ARSB: variants seen among roughly 807,000 people sequenced by gnomAD.
The protein encoded by ARSB is N-acetylgalactosamine-4-sulfatase.
In ARSB, 41 loss-of-function variants were observed where a neutral mutation model predicts 50.9. The ratio of observed to expected loss-of-function variants is 0.81; its 90% CI spans 0.63 to 1.04. The LOEUF (loss-of-function observed/expected upper bound fraction) is 1.04. ARSB is among the 50% of genes least tolerant of loss of function. The pLI is 0.00. For missense variants in ARSB, 672 were observed against 693.3 expected (o/e 0.97, Z 0.35); for synonymous variants, 269 against 284.8 (o/e 0.94, Z 0.56).
Position 78,958,732 on chromosome 5 carries a change from C to A in ARSB, c.691-3230G>T, listed in dbSNP as rs565742518. ...CTTATTGTTCTTCTTCTGTAAATAACTAGGAAAGACCAGAGACCAGGACTC... is the reference window on the plus strand; with the variant it reads ...CTTATTGTTCTTCTTCTGTAAATAAATAGGAAAGACCAGAGACCAGGACTC... On this transcript the variant is annotated intron_variant, in intron 3 of 7. Transcript: ENST00000264914. Among the ~76,000 whole-genome samples the A allele has an allele frequency of 2.6e-5, 4 of 152,260 alleles. No homozygotes were observed. In the East Asian group the frequency reaches 7.7e-4, roughly 29 times the overall value.
intron 1 of ARSB, among the ~76,000 whole-genome samples, chr5:78,983,006 G>C (rs927965174): frequency 1.3e-5 from 2 of 152,156 alleles, no homozygotes; most frequent in Non-Finnish European, 2.9e-5. Context: ...GGTGACTGGT[G>C]GGGGAGGATG....
At chr5:78,934,177 C>A (rs1232682030) in intron 4 of ARSB, among the ~76,000 whole-genome samples, 1 of 152,176 alleles carries the variant, frequency 6.6e-6, no homozygotes, top group Non-Finnish European at 1.5e-5. Flanking sequence ...CCATTTCTGG[C>A]ATCCTGGAAC....
chr5:78,883,744 G>A (rs1194006504), intron 5 of ARSB: 2 of 152,150 alleles, frequency 1.3e-5, no homozygotes, highest in African/African-American at 4.8e-5. Context: ...TAGACTCCAC[G>A]TTGTGAGAGG....
intron 5 of ARSB, among the ~76,000 whole-genome samples, chr5:78,855,308 C>T (rs146954899): frequency 1.1e-3 from 173 of 152,334 alleles, no homozygotes; most frequent in African/African-American, 4.0e-3. Context: ...CAGCGTGCTG[C>T]TTTGACTTAG....
Position 78,979,937 on chromosome 5 carries a change from T to G in ARSB, c.312+5000A>C, listed in dbSNP as rs147443702. 4.1e-3 allele frequency among the ~76,000 whole-genome samples: 632 copies of G among 152,338 alleles called. 13 individuals are homozygous for G. Among genetic ancestry groups the G allele is most frequent in the Admixed American group, 0.024 (367 of 15,294 alleles). On this transcript the variant is annotated intron_variant, in intron 1 of 7. Transcript: ENST00000264914. ...ATGAATGTATGAACAAAATGTGGCA[T>G]GTCCATATCATGGAATATTATTGAG...
chr5:78,912,659 T>G (rs928817627), intron 4 of ARSB, among the ~76,000 whole-genome samples: 9 of 152,174 alleles, frequency 5.9e-5, no homozygotes, highest in African/African-American at 2.2e-4. Flanking sequence ...AACATTAACA[T>G]TTTGCTCAAC....
chr5:78,956,699 C>T (rs180047), intron 3 of ARSB, among the ~76,000 whole-genome samples: 123,169 of 152,102 alleles, frequency 0.81, 50,096 homozygotes, highest in African/African-American at 0.84. Context: ...ATAATTTACA[C>T]ATTCTATCTC....
At chr5:78,834,603 A>ATGTGTGTG (rs1346286608) in intron 6 of ARSB, among the ~76,000 whole-genome samples, 1 of 83,426 alleles carries the variant, frequency 1.2e-5, no homozygotes, top group Non-Finnish European at 2.3e-5. Context: ...TGGTATATAT[A>ATGTGTGTG]TGTGTATATA....
intron 4 of ARSB, 111 bp downstream of exon 4, chr5:78,955,184 G>C (rs1751664790): frequency 1.9e-6 from 2 of 1,033,498 alleles, no homozygotes; most frequent in Non-Finnish European, 2.9e-6. Context: ...ATTGCAGTTT[G>C]CATTTATTTT....
intron 4 of ARSB, among the ~76,000 whole-genome samples, chr5:78,926,568 T>C (rs1303313506): frequency 6.6e-6 from 1 of 152,202 alleles, no homozygotes; most frequent in Non-Finnish European, 1.5e-5. Flanking sequence ...GGTTTTGGAA[T>C]TGCCTTCGAA....
At chr5:78,940,126 G>T (rs1750835290) in intron 4 of ARSB, among the ~76,000 whole-genome samples, 2 of 152,236 alleles carry the variant, frequency 1.3e-5, no homozygotes, top group Admixed American at 6.5e-5. Flanking sequence ...TTTTGATGGG[G>T]TTGTTTGTTT....
intron 6 of ARSB, among the ~76,000 whole-genome samples, chr5:78,795,578 T>TG (rs541228976): frequency 8.8e-4 from 134 of 152,346 alleles, no homozygotes; most frequent in Non-Finnish European, 1.7e-3. Context: ...AACTTGAACC[T>TG]GGTTGCTGCA....
At chr5:78,911,002 T>A (rs1402702925) in intron 4 of ARSB, among the ~76,000 whole-genome samples, 1 of 152,184 alleles carries the variant, frequency 6.6e-6, no homozygotes, top group African/African-American at 2.4e-5. Context: ...TGTATTTTTG[T>A]TGTTGTTGTT....
At chr5:78,891,933 G>C (rs143837986) in intron 4 of ARSB, among the ~76,000 whole-genome samples, 194 of 152,174 alleles carry the variant, frequency 1.3e-3, no homozygotes, top group African/African-American at 4.5e-3. Context: ...GCAGGGAACT[G>C]AGAGGAGCTA....
intron 5 of ARSB, among the ~76,000 whole-genome samples, chr5:78,852,854 C>G (rs1385013783): frequency 1.3e-5 from 2 of 152,194 alleles, no homozygotes; most frequent in Non-Finnish European, 2.9e-5. Context: ...TGCATCAGCT[C>G]CTGAGGCTTC....
intron 4 of ARSB, among the ~76,000 whole-genome samples, chr5:78,947,608 C>T (rs1260153018): frequency 6.6e-6 from 1 of 152,086 alleles, no homozygotes; most frequent in Non-Finnish European, 1.5e-5. Context: ...GTTAAAATGG[C>T]TTTTATCCAA....
chr5:78,929,556 C>G (rs114195006), intron 4 of ARSB, among the ~76,000 whole-genome samples: 1 of 151,922 alleles, frequency 6.6e-6, no homozygotes, highest in Non-Finnish European at 1.5e-5. Context: ...TTTGGGAGGC[C>G]GAGACAGGTG....
intron 4 of ARSB, among the ~76,000 whole-genome samples, chr5:78,950,532 G>T (rs1751451593): frequency 6.6e-6 from 1 of 152,186 alleles, no homozygotes; most frequent in Non-Finnish European, 1.5e-5. Flanking sequence ...GGCAGTGCTG[G>T]CACACTGTAT....
At chr5:78,980,041 T>C (rs959514573) in intron 1 of ARSB, among the ~76,000 whole-genome samples, 1 of 152,144 alleles carries the variant, frequency 6.6e-6, no homozygotes, top group Admixed American at 6.5e-5. Flanking sequence ...ATGTCCAAAA[T>C]AGGTAAAGTC....
Sources: allele counts gnomAD v4.1 joint callset (sites outside exome capture counted in the v4.1 genomes callset), GRCh38; gene constraint gnomAD v4.1.1; transcripts MANE v1.5; gene names NCBI Gene and HGNC (gene_info 2026-07-23, HGNC 2026-07-21).